Variants in CDK6 observed in about 807,000 individuals in gnomAD.
CDK6 encodes cyclin-dependent kinase 6.
Under a neutral mutation model 37.1 loss-of-function variants are expected in CDK6, and 6 were observed. That is an observed-to-expected ratio of 0.16 (90% confidence interval 0.09 to 0.32). The LOEUF is 0.32. Among genes scored for constraint, CDK6 ranks in the 10% least tolerant of loss-of-function variants. The pLI, the probability that CDK6 is intolerant of heterozygous loss-of-function variation, is 1.00. For synonymous variants in CDK6, 160 were observed against 161.3 expected, an observed-to-expected ratio of 0.99 and a Z score of 0.06; for missense variants, 224 against 418.9, an observed-to-expected ratio of 0.53 and a Z score of 4.06.
At chr7:92,644,786 T>C (rs567443581) in intron 5 of CDK6, among the ~76,000 whole-genome samples, 2 of 152,190 alleles carry the variant, frequency 1.3e-5, no homozygotes, top group Non-Finnish European at 2.9e-5. Flanking sequence ...GGAACCTGGA[T>C]CAGCACACTC....
intron 5 of CDK6, among the ~76,000 whole-genome samples, chr7:92,653,418 A>G (rs147933425): frequency 4.3e-4 from 66 of 152,352 alleles, no homozygotes; most frequent in African/African-American, 1.5e-3. Context: ...GAAACCTGGA[A>G]CTACTGTAAC....
intron 4 of CDK6, among the ~76,000 whole-genome samples, chr7:92,701,271 T>C (rs1266649339): frequency 2.0e-5 from 3 of 152,236 alleles, no homozygotes; most frequent in Non-Finnish European, 2.9e-5. Flanking sequence ...CAGAAAAATA[T>C]AGATTAATTT....
chr7:92,670,764 C>T (rs1010042867), intron 5 of CDK6, among the ~76,000 whole-genome samples: 1 of 152,244 alleles, frequency 6.6e-6, no homozygotes, highest in Non-Finnish European at 1.5e-5. Flanking sequence ...TCTTCTTAGA[C>T]ACACAATGAA....
intron 4 of CDK6, among the ~76,000 whole-genome samples, chr7:92,723,250 G>T (rs1798410055): frequency 6.6e-6 from 1 of 152,128 alleles, no homozygotes; most frequent in Non-Finnish European, 1.5e-5. Context: ...ATTTCTGAAG[G>T]GGATACTAGA....
At position 92,696,145 on chromosome 7, in the gene CDK6, CA is replaced by C. The variant is rs1562938705; in HGVS notation, c.538-24611del. Among the ~76,000 whole-genome samples the C allele has an allele frequency of 2.0e-5, 3 of 152,182 alleles. No homozygotes were observed. The South Asian group carries it at 6.2e-4, about 31-fold the overall frequency. ...GTGAAACATGAGCATATTTGGTCTC[CA>C]GGGGAGAAGGAAGCATCCAATTTAT... On this transcript the variant is annotated intron_variant, in intron 4 of 7. Coordinates refer to ENST00000424848, the MANE Select transcript of CDK6 (RefSeq NM_001145306.2).
chr7:92,723,820 A>T (rs529193608), intron 4 of CDK6, among the ~76,000 whole-genome samples: 1 of 151,958 alleles, frequency 6.6e-6, no homozygotes, highest in South Asian at 2.1e-4. Context: ...TCTATGAAAT[A>T]ATTTGTCTAC....
Position 92,615,326 on chromosome 7 carries a change from A to C in CDK6, c.835-40T>G, listed in dbSNP as rs764418173. 48 of 1,331,002 alleles carry C rather than the reference A, an allele frequency of 3.6e-5. 1 individual carries two copies. The African/African-American group carries it at 6.2e-4, about 17-fold the overall frequency. The allele number at this position is 1,331,002 out of a possible 1,614,324, so 82.4% of individuals were successfully genotyped here. On this transcript the variant is annotated intron_variant, in intron 7 of 7. Coordinates refer to ENST00000424848, the MANE Select transcript of CDK6 (RefSeq NM_001145306.2). ...AAAATAATTGGTTGATATACAATAC[A>C]TCAATGTAAATAATGTACTTACAGA...
Position 92,833,023 on chromosome 7 carries a change from G to T in CDK6, c.233+68C>A, listed in dbSNP as rs953501242. ...TGCCCCGCACCTTTCTGGGCCTGAG[G>T]ATTCCCGGCTCGGCCCTCCCCGCGC... On this transcript the variant is annotated intron_variant, in intron 2 of 7. Coordinates refer to ENST00000424848, the MANE Select transcript of CDK6 (RefSeq NM_001145306.2). This position sits in a 1 kb window ranked among gnomAD's most constrained non-coding sequence, Gnocchi z 6.1. The T allele has an allele frequency of 1.7e-6, 2 of 1,150,960 alleles. No individual in the cohort carries two copies. Among genetic ancestry groups the T allele is most frequent in the Non-Finnish European group, 2.5e-6 (2 of 804,892 alleles). 71.3% of individuals were successfully genotyped at this position (1,150,960 alleles called of 1,614,324 possible).
intron 3 of CDK6, among the ~76,000 whole-genome samples, chr7:92,749,006 C>T (rs549582599): frequency 1.3e-5 from 2 of 152,220 alleles, no homozygotes; most frequent in Admixed American, 1.3e-4. Flanking sequence ...TGAGACTAGC[C>T]TGACCAACAT....
chr7:92,729,863 C>T (rs1798602162), intron 3 of CDK6, among the ~76,000 whole-genome samples: 1 of 152,132 alleles, frequency 6.6e-6, no homozygotes, highest in African/African-American at 2.4e-5. Context: ...AACAATACTC[C>T]TGAGTAGCTG....
intron 2 of CDK6, among the ~76,000 whole-genome samples, chr7:92,805,570 G>C (rs1204557294): frequency 6.6e-6 from 1 of 151,952 alleles, no homozygotes; most frequent in Non-Finnish European, 1.5e-5. Context: ...TGGAAAGGAT[G>C]TTATGACCAA....
At position 92,609,934 on chromosome 7, in the gene CDK6, A is replaced by C. The variant is rs1045897175; in HGVS notation, c.*5206T>G. 6.1e-5 allele frequency: 14 copies of C among 230,296 alleles called. No individual in the cohort carries two copies. The highest frequency in any genetic ancestry group is 1.2e-4 in the Non-Finnish European group (14 of 116,382). The allele number at this position is 230,296 out of a possible 1,614,324, so 14.3% of individuals were successfully genotyped here. ...GTTCAGAACCTAGGTAACAAGTAAAATATTGAAGTTACAGAACATTATAGA... is the reference window on the plus strand; with the variant it reads ...GTTCAGAACCTAGGTAACAAGTAAACTATTGAAGTTACAGAACATTATAGA... On this transcript the variant is annotated 3_prime_UTR_variant, in exon 8 of 8. Coordinates refer to ENST00000424848, the MANE Select transcript of CDK6 (RefSeq NM_001145306.2).
chr7:92,626,630 G>A (rs1038165956), intron 5 of CDK6, among the ~76,000 whole-genome samples: 2 of 152,090 alleles, frequency 1.3e-5, no homozygotes, highest in Non-Finnish European at 2.9e-5. Flanking sequence ...AGCCAAGGAG[G>A]TCAACTGGGA....
intron 5 of CDK6, among the ~76,000 whole-genome samples, chr7:92,624,007 A>G (rs1027143378): frequency 6.6e-6 from 1 of 152,164 alleles, no homozygotes; most frequent in Non-Finnish European, 1.5e-5. Flanking sequence ...TTATATATCA[A>G]ATTATACAGC....
chr7:92,802,086 T>G (rs1260671658), intron 2 of CDK6, among the ~76,000 whole-genome samples: 1 of 146,166 alleles, frequency 6.8e-6, no homozygotes, highest in Non-Finnish European at 1.5e-5. Flanking sequence ...ACTGATATAC[T>G]GCATTGTGGT....
intron 5 of CDK6, among the ~76,000 whole-genome samples, chr7:92,643,702 C>T (rs1294874064): frequency 2.0e-5 from 3 of 152,156 alleles, no homozygotes; most frequent in African/African-American, 7.2e-5. Flanking sequence ...TTCTGTTAAA[C>T]AAGTCAACCA....
intron 3 of CDK6, among the ~76,000 whole-genome samples, chr7:92,753,996 G>A (rs1349791461): frequency 1.3e-5 from 2 of 152,036 alleles, no homozygotes; most frequent in Non-Finnish European, 1.5e-5. Flanking sequence ...TACAATGAGG[G>A]TCTCAGACTA....
intron 3 of CDK6, among the ~76,000 whole-genome samples, chr7:92,729,086 T>C (rs970116223): frequency 6.6e-6 from 1 of 152,134 alleles, no homozygotes; most frequent in South Asian, 2.1e-4. Flanking sequence ...ATTATATAAA[T>C]AAATAAATTA....
intron 2 of CDK6, among the ~76,000 whole-genome samples, chr7:92,829,467 C>T (rs2116015909): frequency 6.6e-6 from 1 of 152,254 alleles, no homozygotes; most frequent in East Asian, 1.9e-4. Flanking sequence ...TATCATGTAT[C>T]AGGGTTATGG....
Sources: gnomAD v4.1 joint callset for allele counts (sites outside exome capture counted in the v4.1 genomes callset) on GRCh38, gnomAD v4.1.1 for gene constraint, Gnocchi (gnomAD v3.1) non-coding constraint, MANE v1.5 for transcripts, NCBI Gene and HGNC (gene_info 2026-07-23, HGNC 2026-07-21) for gene names.